ZNF611: variants seen among roughly 807,000 people sequenced by gnomAD.
ZNF611 encodes zinc finger protein 611.
In ZNF611, 6 loss-of-function variants were observed where a neutral mutation model predicts 8.9. The observed-to-expected ratio is 0.68, with a 90% CI of 0.37 to 1.34. ZNF611 has a LOEUF of 1.34. ZNF611 is among the 40% of genes most tolerant of loss of function. The probability of loss-of-function intolerance (pLI) is 0.02; values close to 1 mark genes in which losing one functional copy is unlikely to be tolerated. For missense variants in ZNF611, 874 were observed against 841.3 expected, an observed-to-expected ratio of 1.04 and a Z score of -0.48; for synonymous variants, 262 against 279.7, an observed-to-expected ratio of 0.94 and a Z score of 0.63.
chr19:52,714,218 A>C, intron 4 of ZNF611, 77 bp from the exon 5 acceptor site: 1 of 1,576,462 alleles, frequency 6.3e-7, no homozygotes, highest in Non-Finnish European at 8.6e-7. Context: ...AGAAATGAGA[A>C]AATAAGTATT....
Position 52,706,809 on chromosome 19 carries a change from T to C in ZNF611, c.246A>G (p.Thr82=). ...GCAATGTCCCTGTGTGGATCACTTCTGTATTGCCTTGCCCTGTTGACAAGA... is the reference window on the plus strand; with the variant it reads ...GCAATGTCCCTGTGTGGATCACTTCCGTATTGCCTTGCCCTGTTGACAAGA... ...KEVLSTGQGN[T]EVIHTGTLQR... The change falls in exon 6 of 6, where the codon ACA becomes ACG. Residue 82 remains threonine (T), a synonymous_variant. Coordinates refer to ENST00000652185, the MANE Select transcript of ZNF611 (RefSeq NM_001161499.2). 1 of 1,613,048 alleles carries C rather than the reference T, an allele frequency of 6.2e-7. No individual in the cohort carries two copies. The highest frequency in any genetic ancestry group is 1.1e-5 in the South Asian group (1 of 90,814).
rs902601299 is a variant in ZNF611, at chr19:52,732,143, G to A, written c.-221-2138C>T. On this transcript the variant is annotated intron_variant, in intron 1 of 5. Coordinates refer to ENST00000652185, the MANE Select transcript of ZNF611 (RefSeq NM_001161499.2). The stretch of plus-strand genomic sequence containing the variant: ...AAATTAGCTGGTAGTGGTGACAGGA[G>A]CCTGTACTCCCAGCTACTCCGGAGG... 4.1e-4 allele frequency among the ~76,000 whole-genome samples: 62 copies of A among 151,994 alleles called. 1 individual carries two copies. Among genetic ancestry groups the A allele is most frequent in the Admixed American group, 1.6e-3 (24 of 15,264 alleles).
At position 52,704,587 on chromosome 19, in the gene ZNF611, CCA is replaced by C; in HGVS notation, c.*348_*349del. The C allele has an allele frequency of 1.3e-6, 2 of 1,558,912 alleles. No homozygotes were observed. The highest frequency in any genetic ancestry group is 1.8e-6 in the Non-Finnish European group (2 of 1,134,372). Reference sequence around the variant, plus strand: ...ATGTGAACGATCTCTGAAAAATTTGCCACATTTATTACACTTGTAAGATCTCT... The same window carrying C: ...ATGTGAACGATCTCTGAAAAATTTGCCATTTATTACACTTGTAAGATCTCT... On this transcript the variant is annotated 3_prime_UTR_variant, in exon 6 of 6. Coordinates refer to ENST00000652185, the MANE Select transcript of ZNF611 (RefSeq NM_001161499.2).
Position 52,704,850 on chromosome 19 carries a change from AT to A in ZNF611, c.*86del, listed in dbSNP as rs2062228066. ...TCCCAAGTCTTGTCAGAAACCTTAC[AT>A]TTGTAAGCTTTCTCTCCAGTATAAA... On this transcript the variant is annotated 3_prime_UTR_variant, in exon 6 of 6. Coordinates refer to ENST00000652185, the MANE Select transcript of ZNF611 (RefSeq NM_001161499.2). 1 of 1,608,008 alleles carries A rather than the reference AT, an allele frequency of 6.2e-7. No homozygotes were observed. The highest frequency in any genetic ancestry group is 8.5e-7 in the Non-Finnish European group (1 of 1,176,544).
At chr19:52,727,483 G>C (rs1354127331) in intron 3 of ZNF611, among the ~76,000 whole-genome samples, 1 of 152,162 alleles carries the variant, frequency 6.6e-6, no homozygotes, top group Non-Finnish European at 1.5e-5. Context: ...GGCTCTACTT[G>C]GTAATGGAGG....
In ZNF611 at chr19:52,723,043, G is replaced by A. The variant is rs188515759; in HGVS notation, c.-20+5687C>T. On this transcript the variant is annotated intron_variant, in intron 3 of 5. Coordinates refer to ENST00000652185, the MANE Select transcript of ZNF611 (RefSeq NM_001161499.2). ...ATTACAGGCATGAGCCACTGCGCCTGGCCCCTCTTTCTTCATTACTGTGCT... is the reference window on the plus strand; with the variant it reads ...ATTACAGGCATGAGCCACTGCGCCTAGCCCCTCTTTCTTCATTACTGTGCT... 4.2e-3 allele frequency among the ~76,000 whole-genome samples: 637 copies of A among 151,122 alleles called. 3 individuals carry two copies. Among genetic ancestry groups the A allele is most frequent in the African/African-American group, 0.015 (599 of 41,148 alleles).
chr19:52,733,127 T>G (rs147767870), intron 1 of ZNF611, among the ~76,000 whole-genome samples: 1 of 152,182 alleles, frequency 6.6e-6, no homozygotes, highest in African/African-American at 2.4e-5. Context: ...ACATAACCTC[T>G]GATGCCAAGA....
intron 1 of ZNF611, among the ~76,000 whole-genome samples, chr19:52,730,600 T>C (rs2062420392): frequency 6.6e-6 from 1 of 152,022 alleles, no homozygotes; most frequent in African/African-American, 2.4e-5. Flanking sequence ...TGTTTACTTT[T>C]TGAGACGGAG....
At position 52,706,170 on chromosome 19, in the gene ZNF611, G is replaced by C. The variant is rs1568599844; in HGVS notation, c.885C>G (p.Thr295=). The C allele has an allele frequency of 6.2e-7, 1 of 1,614,056 alleles. No homozygotes were observed. The highest frequency in any genetic ancestry group is 1.7e-5 in the Admixed American group (1 of 60,020). Residue 295 remains threonine, a synonymous_variant, in exon 6 of 6, where the codon ACC becomes ACG. Coordinates refer to ENST00000652185, the MANE Select transcript of ZNF611 (RefSeq NM_001161499.2). ...KPYKCKECGK[T]FSQESSLTCH... ...AGGTAAGGGATGACTCCTGACTGAAGGTCTTGCCACACTCTTTACACTTGT... is the reference window on the plus strand; with the variant it reads ...AGGTAAGGGATGACTCCTGACTGAACGTCTTGCCACACTCTTTACACTTGT...
At position 52,704,785 on chromosome 19, in the gene ZNF611, C is replaced by T; in HGVS notation, c.*152G>A. 6.3e-7 allele frequency: 1 copy of T among 1,595,098 alleles called. No homozygotes were observed. The highest frequency in any genetic ancestry group is 2.2e-5 in the East Asian group (1 of 44,764). On this transcript the variant is annotated 3_prime_UTR_variant, in exon 6 of 6. Transcript: ENST00000652185. Reference sequence around the variant, plus strand: ...CTCATTACACTTGTAAGGTTTCTCTCCAGTGTGAAGTCCAGTATGTTGTTC... The same window carrying T: ...CTCATTACACTTGTAAGGTTTCTCTTCAGTGTGAAGTCCAGTATGTTGTTC...
At chr19:52,729,857 A>C (rs2062414693) in intron 2 of ZNF611, 49 bp downstream of exon 2, 1 of 152,206 alleles carries the variant, frequency 6.6e-6, no homozygotes, top group African/African-American at 2.4e-5. Flanking sequence ...CTTCTGATGT[A>C]TGAGTTCAAG....
At chr19:52,709,067 G>T (rs1160895159) in intron 5 of ZNF611, among the ~76,000 whole-genome samples, 1 of 151,984 alleles carries the variant, frequency 6.6e-6, no homozygotes, top group African/African-American at 2.4e-5. Flanking sequence ...TGCACAATAA[G>T]AACAAAAAAT....
chr19:52,718,902 G>A (rs1568605450), intron 3 of ZNF611, among the ~76,000 whole-genome samples: 1 of 152,178 alleles, frequency 6.6e-6, no homozygotes, highest in Non-Finnish European at 1.5e-5. Context: ...GCAAAGCATG[G>A]TGGCTCACAC....
At position 52,715,986 on chromosome 19, in the gene ZNF611, G is replaced by A. The variant is rs188668387; in HGVS notation, c.-19-73C>T. On this transcript the variant is annotated intron_variant, in intron 3 of 5. Coordinates refer to ENST00000652185, the MANE Select transcript of ZNF611 (RefSeq NM_001161499.2). ...CTTCCTGTGACAAAAACACACGAAC[G>A]GGGGAGACGTCACCCTGTAGAAAGA... is the stretch of plus-strand genomic sequence containing the variant. 42 of 1,552,154 alleles carry A rather than the reference G, an allele frequency of 2.7e-5. No individual in the cohort carries two copies. In the African/African-American group the frequency reaches 3.0e-4, roughly 11 times the overall value.
intron 3 of ZNF611, among the ~76,000 whole-genome samples, chr19:52,722,098 A>T (rs7258130): frequency 0.29 from 43,808 of 151,868 alleles, 6,277 homozygotes; most frequent in Middle Eastern, 0.39. Flanking sequence ...GCGGTGGCTC[A>T]TCCCTATAAT....
Position 52,706,213 on chromosome 19 carries a change from T to C in ZNF611, c.842A>G (p.His281Arg). ...EQYLACHDRC[H>R]TVEKPYKCKE... ...ACACTTGTAAGGTTTCTCAACAGTG[T>C]GACATCTATCATGGCATGCAAGGTA... is the stretch of plus-strand genomic sequence containing the variant. The change falls in exon 6 of 6, where the codon CAC (histidine) becomes CGC (arginine). Residue 281 changes from histidine (H) to arginine (R), a missense_variant. By Grantham distance (29) the His-to-Arg change is conservative. Transcript: ENST00000652185. 5.6e-6 allele frequency: 9 copies of C among 1,614,202 alleles called. No individual in the cohort carries two copies. The highest frequency in any genetic ancestry group is 7.6e-6 in the Non-Finnish European group (9 of 1,180,020).
In ZNF611 at chr19:52,706,093, C is replaced by G; in HGVS notation, c.962G>C (p.Gly321Ala). The part of the protein sequence containing the change: ...GVKRYNCNEC[G>A]KIFGQNSALL... ...GGCTGAATTTTGACCAAAGATCTTGCCACACTCATTACAATTGTAACGTTT... is the reference window on the plus strand; with the variant it reads ...GGCTGAATTTTGACCAAAGATCTTGGCACACTCATTACAATTGTAACGTTT... Residue 321 changes from glycine (G) to alanine (A), a missense_variant, in exon 6 of 6, where the codon GGC (glycine) becomes GCC (alanine). Transcript: ENST00000652185. The G allele has an allele frequency of 6.2e-7, 1 of 1,613,896 alleles. No homozygotes were observed. Among genetic ancestry groups the G allele is most frequent in the Non-Finnish European group, 8.5e-7 (1 of 1,179,960 alleles).
rs1555794281 is a variant in ZNF611, at chr19:52,703,194, A to AT, written c.*1742_*1743insA. 5 of 151,882 alleles carry AT rather than the reference A, an allele frequency of 3.3e-5. No homozygotes were observed. The highest frequency in any genetic ancestry group is 6.6e-5 in the Admixed American group (1 of 15,240). 9.4% of individuals were successfully genotyped at this position (151,882 alleles called of 1,614,324 possible). On this transcript the variant is annotated 3_prime_UTR_variant, in exon 6 of 6. Transcript: ENST00000652185. ...GCAAAATAAATAAATAAATAAATAAAAAATAAAGAGAGAAATGAAGAGGAA... is the reference window on the plus strand; with the variant it reads ...GCAAAATAAATAAATAAATAAATAAATAAATAAAGAGAGAAATGAAGAGGAA...
At chr19:52,713,008 A>G (rs2062291107) in intron 5 of ZNF611, among the ~76,000 whole-genome samples, 1 of 152,212 alleles carries the variant, frequency 6.6e-6, no homozygotes, top group African/African-American at 2.4e-5. Context: ...AGCCTGGCCA[A>G]CATGGCAAAA....
Sources: allele counts gnomAD v4.1 joint callset (sites outside exome capture counted in the v4.1 genomes callset), GRCh38; gene constraint gnomAD v4.1.1; transcripts MANE v1.5; gene names NCBI Gene and HGNC (gene_info 2026-07-23, HGNC 2026-07-21).